Variants in CADPS observed in about 807,000 individuals in gnomAD.
CADPS encodes calcium dependent secretion activator, also known as calcium-dependent secretion activator 1.
CADPS carries 57 observed loss-of-function variants against 167.3 expected under a neutral mutation model. The observed-to-expected ratio is 0.34, with a 90% CI of 0.28 to 0.42. CADPS has a LOEUF of 0.42. CADPS is among the 20% of genes least tolerant of loss of function. CADPS has a pLI of 1.00. For missense variants in CADPS, 1,414 were observed against 1,738.1 expected (o/e 0.81, Z 3.32); for synonymous variants, 676 against 635.3 (o/e 1.06, Z -0.96).
intron 8 of CADPS, among the ~76,000 whole-genome samples, chr3:62,578,778 A>T (rs946999400): frequency 6.6e-6 from 1 of 152,202 alleles, no homozygotes; most frequent in Non-Finnish European, 1.5e-5. Context: ...ATCAGTAAGG[A>T]TATAGATTCT....
chr3:62,738,300 T>C (rs1262488100), intron 3 of CADPS, among the ~76,000 whole-genome samples: 1 of 152,206 alleles, frequency 6.6e-6, no homozygotes, highest in East Asian at 1.9e-4. Flanking sequence ...AGAGAAAATA[T>C]GTTCTTTCCT....
At chr3:62,506,840 C>A (rs1014078626) in intron 17 of CADPS, among the ~76,000 whole-genome samples, 35 of 152,196 alleles carry the variant, frequency 2.3e-4, no homozygotes, top group Admixed American at 2.3e-3. Context: ...GAGAGGAATG[C>A]TCTTTTTCTT....
chr3:62,447,563 G>C (rs1293016095), intron 26 of CADPS, among the ~76,000 whole-genome samples: 2 of 152,116 alleles, frequency 1.3e-5, no homozygotes, highest in Non-Finnish European at 2.9e-5. Context: ...AGGAAACTCA[G>C]GGAAAATTTA....
At chr3:62,690,001 T>C (rs1321444350) in intron 3 of CADPS, among the ~76,000 whole-genome samples, 1 of 151,980 alleles carries the variant, frequency 6.6e-6, no homozygotes, top group African/African-American at 2.4e-5. Context: ...TAATAAGCAT[T>C]TTAGCTAGGA....
intron 28 of CADPS, among the ~76,000 whole-genome samples, chr3:62,427,161 T>G (rs1051261798): frequency 6.6e-6 from 1 of 152,088 alleles, no homozygotes; most frequent in African/African-American, 2.4e-5. Context: ...GATCTGAGTT[T>G]TTGTTGAAGC....
chr3:62,553,259 G>A (rs1470839894), intron 10 of CADPS, among the ~76,000 whole-genome samples: 39 of 152,188 alleles, frequency 2.6e-4, no homozygotes, highest in Non-Finnish European at 1.8e-4. Context: ...GAGTTACTTT[G>A]GGGAAGTGGA....
chr3:62,780,499 T>C (rs369931158), intron 1 of CADPS, among the ~76,000 whole-genome samples: 14 of 152,188 alleles, frequency 9.2e-5, no homozygotes, highest in African/African-American at 3.4e-4. Context: ...GAGCATTGTG[T>C]AACAAGCTTG....
Position 62,847,432 on chromosome 3 carries a change from C to A in CADPS, c.441+27157G>T, listed in dbSNP as rs1484807222. ...TCCCAATGCTATCCCTCCCCCCTCC[C>A]CCCACCCCACCACAGTCCCCAGAGT... On this transcript the variant is annotated intron_variant, in intron 1 of 29. Transcript: ENST00000383710. 1.1e-4 allele frequency among the ~76,000 whole-genome samples: 10 copies of A among 94,670 alleles called. 1 individual carries two copies. Among genetic ancestry groups the A allele is most frequent in the Admixed American group, 7.8e-4 (7 of 9,022 alleles). The allele number at this position is 94,670 out of a possible 152,430, so 62.1% of individuals were successfully genotyped here.
rs766727839 is a variant in CADPS, at chr3:62,532,909, G to C, written c.2253C>G (p.Tyr751Ter). The change falls in exon 13 of 30, where the codon TAC becomes TAG. Residue 751 changes from tyrosine (Y) to a stop codon, truncating the protein, a stop_gained. Transcript: ENST00000383710. LOFTEE classifies it high-confidence loss of function. ...GAMIDPTLLH[Y>*]SFAFCASHVH... Reference sequence around the variant, plus strand: ...CATGGGATGCACAGAAGGCAAAGCTGTAGTGAAGAAGGGTGGGGTCGATCA... The same window carrying C: ...CATGGGATGCACAGAAGGCAAAGCTCTAGTGAAGAAGGGTGGGGTCGATCA... The C allele has an allele frequency of 6.2e-7, 1 of 1,613,770 alleles. No individual in the cohort carries two copies.
At chr3:62,804,542 T>G (rs1287397763) in intron 1 of CADPS, among the ~76,000 whole-genome samples, 2 of 152,134 alleles carry the variant, frequency 1.3e-5, no homozygotes, top group Non-Finnish European at 2.9e-5. Context: ...TTTATGAATT[T>G]ATTTTTGGCT....
chr3:62,469,848 A>G (rs915874266), intron 24 of CADPS, among the ~76,000 whole-genome samples: 1 of 152,190 alleles, frequency 6.6e-6, no homozygotes, highest in African/African-American at 2.4e-5. Flanking sequence ...ATACTCCAAA[A>G]TTATATCCTG....
chr3:62,547,593 C>CG (rs1553906059), intron 11 of CADPS, among the ~76,000 whole-genome samples: 13 of 108,162 alleles, frequency 1.2e-4, no homozygotes, highest in Admixed American at 5.3e-4. Flanking sequence ...TACGCCCCCC[C>CG]CCCCCCGCAA....
chr3:62,799,717 G>T (rs2093653100), intron 1 of CADPS, among the ~76,000 whole-genome samples: 1 of 152,060 alleles, frequency 6.6e-6, no homozygotes, highest in Non-Finnish European at 1.5e-5. Context: ...GTTTATAATG[G>T]GGTTGAATGA....
chr3:62,874,890 C>T lies in CADPS; in HGVS notation c.140G>A (p.Gly47Glu). The change falls in exon 1 of 30, where the codon GGG (glycine) becomes GAG (glutamate). Residue 47 changes from glycine to glutamate, a missense_variant. Coordinates refer to ENST00000383710, the MANE Select transcript of CADPS (RefSeq NM_003716.4). The surrounding 1 kb of genome is among the most constrained non-coding windows in gnomAD (Gnocchi z 7.1). Reference protein sequence around the residue: ...RTSEGSAGSAGLGGGGAGAGA... With the variant: ...RTSEGSAGSAELGGGGAGAGA... ...GGCGCCGGCGCCGCCGCCCCCCAGCCCGGCGCTGCCGGCCGAGCCCTCGCT... is the reference window on the plus strand; with the variant it reads ...GGCGCCGGCGCCGCCGCCCCCCAGCTCGGCGCTGCCGGCCGAGCCCTCGCT... 2 of 1,307,660 alleles carry T rather than the reference C, an allele frequency of 1.5e-6. No individual in the cohort carries two copies. Among genetic ancestry groups the T allele is most frequent in the Non-Finnish European group, 2.0e-6 (2 of 1,021,856 alleles). 81.0% of individuals were successfully genotyped at this position (1,307,660 alleles called of 1,614,324 possible). A position where few individuals can be genotyped will look rare whatever the true frequency, so the allele number is the denominator to read the frequency against.
chr3:62,741,801 G>A (rs1306845080), intron 3 of CADPS, among the ~76,000 whole-genome samples: 2 of 152,132 alleles, frequency 1.3e-5, no homozygotes, highest in African/African-American at 4.8e-5. Context: ...AAGAAAAAAA[G>A]AGCATCCAAA....
chr3:62,460,356 G>C (rs974971361), intron 26 of CADPS, among the ~76,000 whole-genome samples: 1 of 152,198 alleles, frequency 6.6e-6, no homozygotes, highest in Non-Finnish European at 1.5e-5. Flanking sequence ...AAAATTACAT[G>C]TATTTGGCAG....
Position 62,502,992 on chromosome 3 carries a change from C to G in CADPS, c.2600-3724G>C. On this transcript the variant is annotated intron_variant, in intron 17 of 29. Coordinates refer to ENST00000383710, the MANE Select transcript of CADPS (RefSeq NM_003716.4). ...GAGAGCTGCTGCTTTCTTGGCAATT[C>G]TTCAACACTACAGAGGTGTGACATT... Among the ~76,000 whole-genome samples the G allele has an allele frequency of 2.0e-5, 3 of 151,906 alleles. No homozygotes were observed. The Middle Eastern group carries it at 0.01, about 517-fold the overall frequency.
intron 1 of CADPS, among the ~76,000 whole-genome samples, chr3:62,853,639 A>AG (rs2079071179): frequency 7.1e-6 from 1 of 140,274 alleles, no homozygotes; most frequent in Non-Finnish European, 1.6e-5. Flanking sequence ...AAAAAAAAAA[A>AG]GAAAAGAAAA....
At chr3:62,716,389 GA>G (rs2084634298) in intron 3 of CADPS, among the ~76,000 whole-genome samples, 1 of 152,178 alleles carries the variant, frequency 6.6e-6, no homozygotes, top group Non-Finnish European at 1.5e-5. Flanking sequence ...GAGAATGGTA[GA>G]AAAGTTTCTG....
Sources: allele counts gnomAD v4.1 joint callset (sites outside exome capture counted in the v4.1 genomes callset), GRCh38; gene constraint gnomAD v4.1.1; non-coding constraint Gnocchi (gnomAD v3.1); transcripts MANE v1.5; gene names NCBI Gene and HGNC (gene_info 2026-07-23, HGNC 2026-07-21).